ENOX1: variants seen among roughly 807,000 people sequenced by gnomAD.
The protein encoded by ENOX1 is ecto-NOX disulfide-thiol exchanger 1.
ENOX1 carries 42 observed loss-of-function variants against 82.5 expected under a neutral mutation model. That is an observed-to-expected ratio of 0.51 (90% CI 0.40 to 0.66). The LOEUF (loss-of-function observed/expected upper bound fraction) is 0.66, where lower values mean the gene tolerates loss of function less well. Among genes scored for constraint, ENOX1 ranks in the 30% least tolerant of loss-of-function variants. The pLI is 0.00. For synonymous variants in ENOX1, 271 were observed against 282.2 expected (o/e 0.96, Z 0.40); for missense variants, 608 against 811.6 (o/e 0.75, Z 3.05).
intron 1 of ENOX1, among the ~76,000 whole-genome samples, chr13:43,700,741 T>G (rs1009398726): frequency 5.3e-5 from 8 of 152,242 alleles, no homozygotes; most frequent in African/African-American, 1.4e-4. Flanking sequence ...AGTTGTATCA[T>G]GTTAGATGAA....
intron 3 of ENOX1, among the ~76,000 whole-genome samples, chr13:43,433,606 C>T (rs2055819167): frequency 1.3e-5 from 2 of 152,140 alleles, no homozygotes; most frequent in South Asian, 4.1e-4. Context: ...ATAATAAATC[C>T]TATCCATAAT....
chr13:43,641,529 A>ATTTTTTTTTTTTTTTTTTTTTTTTTT (rs769737189), intron 2 of ENOX1, among the ~76,000 whole-genome samples: 1 of 83,094 alleles, frequency 1.2e-5, no homozygotes, highest in Non-Finnish European at 2.1e-5. Context: ...TTAATTTTTA[A>ATTTTTTTTTTTTTTTTTTTTTTTTTT]TTTTTTTTTT....
At chr13:43,537,848 G>T (rs910899496) in intron 2 of ENOX1, among the ~76,000 whole-genome samples, 4 of 152,178 alleles carry the variant, frequency 2.6e-5, no homozygotes, top group Non-Finnish European at 4.4e-5. Context: ...GATTTCCCTG[G>T]AGTCTCAGGG....
chr13:43,320,102 G>A (rs558938068), intron 11 of ENOX1, among the ~76,000 whole-genome samples: 10 of 152,320 alleles, frequency 6.6e-5, no homozygotes, highest in African/African-American at 2.4e-4. Flanking sequence ...CCCCAAATAT[G>A]CAGGGCTGAA....
rs1424882147 is a variant in ENOX1, at chr13:43,786,680, A to G, written c.-313T>C. 1 of 151,216 alleles carries G rather than the reference A, an allele frequency of 6.6e-6. No individual in the cohort carries two copies. The highest frequency in any genetic ancestry group is 2.4e-5 in the African/African-American group (1 of 41,002). The allele number at this position is 151,216 out of a possible 1,614,324, so 9.4% of individuals were successfully genotyped here. A position where few individuals can be genotyped will look rare whatever the true frequency, so the allele number is the denominator to read the frequency against. On this transcript the variant is annotated 5_prime_UTR_variant, in exon 1 of 17. Coordinates refer to ENST00000690772, the MANE Select transcript of ENOX1 (RefSeq NM_001347969.2). The surrounding 1 kb of genome is among the most constrained non-coding windows in gnomAD (Gnocchi z 6.0). ...GGGCCGCCGTATGGGGAGCGGAGGC[A>G]ACCCGCTGCGCGGAGTGGGGCGCCG...
intron 1 of ENOX1, among the ~76,000 whole-genome samples, chr13:43,728,350 T>TA (rs2089118705): frequency 6.6e-6 from 1 of 152,198 alleles, no homozygotes; most frequent in South Asian, 2.1e-4. Context: ...ACTTGTCAGT[T>TA]AAAGATTTTG....
intron 3 of ENOX1, among the ~76,000 whole-genome samples, chr13:43,424,314 G>A (rs576268850): frequency 7.2e-5 from 11 of 152,250 alleles, no homozygotes; most frequent in African/African-American, 2.2e-4. Context: ...TGACCCAACC[G>A]TGGAAAACAT....
chr13:43,659,439 G>A (rs4640073), intron 2 of ENOX1, among the ~76,000 whole-genome samples: 44,426 of 151,528 alleles, frequency 0.29, 7,957 homozygotes, highest in South Asian at 0.41. Flanking sequence ...GTGGTGAGCC[G>A]AGATCACGCC....
At chr13:43,303,158 T>C (rs373817428) in intron 11 of ENOX1, among the ~76,000 whole-genome samples, 1 of 152,226 alleles carries the variant, frequency 6.6e-6, no homozygotes, top group East Asian at 1.9e-4. Context: ...CATTGGCTGC[T>C]ACCCAGGAAG....
chr13:43,780,543 TAA>T (rs1308295048), intron 1 of ENOX1, among the ~76,000 whole-genome samples: 1 of 152,086 alleles, frequency 6.6e-6, no homozygotes, highest in Non-Finnish European at 1.5e-5. Flanking sequence ...GGTAGAAAGG[TAA>T]AGGGCACTCA....
chr13:43,448,206 G>A (rs534991795), intron 3 of ENOX1, among the ~76,000 whole-genome samples: 1 of 152,186 alleles, frequency 6.6e-6, no homozygotes, highest in African/African-American at 2.4e-5. Flanking sequence ...GTTGGAACAG[G>A]CAATTGCTTG....
At chr13:43,361,602 C>A in intron 5 of ENOX1, 150 bp from the exon 6 acceptor site, 12 of 665,894 alleles carry the variant, frequency 1.8e-5, no homozygotes, top group South Asian at 2.5e-5. Flanking sequence ...GAAAGCTATG[C>A]CAGAAGGGTA....
At chr13:43,526,924 G>A (rs1392923832) in intron 2 of ENOX1, among the ~76,000 whole-genome samples, 4 of 151,920 alleles carry the variant, frequency 2.6e-5, no homozygotes, top group Non-Finnish European at 4.4e-5. Context: ...CACAGCATTC[G>A]GCCCTCTTGC....
Position 43,320,004 on chromosome 13 carries a change from C to A in ENOX1, c.1261+2380G>T, listed in dbSNP as rs117184934. 3.7e-3 allele frequency among the ~76,000 whole-genome samples: 557 copies of A among 152,324 alleles called. 16 individuals are homozygous for A. The South Asian group carries it at 0.05, about 14-fold the overall frequency. On this transcript the variant is annotated intron_variant, in intron 11 of 16. Coordinates refer to ENST00000690772, the MANE Select transcript of ENOX1 (RefSeq NM_001347969.2). ...GGTGTTTCCCTCGGGCTATGGCCTCCATCCTCCTGCTTCAAGCAACAGTTA... is the reference window on the plus strand; with the variant it reads ...GGTGTTTCCCTCGGGCTATGGCCTCAATCCTCCTGCTTCAAGCAACAGTTA...
intron 2 of ENOX1, among the ~76,000 whole-genome samples, chr13:43,580,779 TA>T (rs2080683126): frequency 6.6e-6 from 1 of 152,218 alleles, no homozygotes; most frequent in Admixed American, 6.5e-5. Context: ...CAGCCTCTCT[TA>T]ATAGAATTCT....
chr13:43,234,207 T>C (rs2042414469), intron 15 of ENOX1, among the ~76,000 whole-genome samples: 1 of 152,092 alleles, frequency 6.6e-6, no homozygotes, highest in Admixed American at 6.6e-5. Flanking sequence ...GCAGGATCCA[T>C]TTTGCTGGTC....
intron 11 of ENOX1, among the ~76,000 whole-genome samples, chr13:43,301,815 C>T (rs2046594496): frequency 6.6e-6 from 1 of 152,108 alleles, no homozygotes; most frequent in Non-Finnish European, 1.5e-5. Context: ...CATACTGCAG[C>T]CCTGAATCTA....
rs77602119 is a variant in ENOX1 at position 43,561,871 on chromosome 13, T to G, written c.-218-77719A>C. Among the ~76,000 whole-genome samples, 1,291 of 152,046 alleles carry G rather than the reference T, an allele frequency of 8.5e-3. 20 individuals carry two copies. The highest frequency in any genetic ancestry group is 0.03 in the African/African-American group (1,239 of 41,482). ...GGTGTACATCTATAGTACCAGGTACTTGGGACACTGAGGTGAAAGGATCAC... is the reference window on the plus strand; with the variant it reads ...GGTGTACATCTATAGTACCAGGTACGTGGGACACTGAGGTGAAAGGATCAC... On this transcript the variant is annotated intron_variant, in intron 2 of 16. Transcript: ENST00000690772.
intron 5 of ENOX1, among the ~76,000 whole-genome samples, chr13:43,406,300 T>C (rs553563228): frequency 1.1e-4 from 17 of 152,102 alleles, no homozygotes; most frequent in Non-Finnish European, 1.9e-4. Context: ...GCTAAGTTCT[T>C]CTCAGAATGG....
Sources: allele counts gnomAD v4.1 joint callset (sites outside exome capture counted in the v4.1 genomes callset), GRCh38; gene constraint gnomAD v4.1.1; non-coding constraint Gnocchi (gnomAD v3.1); transcripts MANE v1.5; gene names NCBI Gene and HGNC (gene_info 2026-07-23, HGNC 2026-07-21).